The following CNTNAP5 variants were observed in gnomAD, a reference collection of about 807,000 sequenced individuals.
CNTNAP5 encodes contactin associated protein family member 5, also known as contactin-associated protein-like 5.
Under a neutral mutation model 150.2 loss-of-function variants are expected in CNTNAP5, and 72 were observed. The observed-to-expected ratio is 0.48, with a 90% CI of 0.40 to 0.58. CNTNAP5 has a LOEUF of 0.58. Ranked by LOEUF, CNTNAP5 falls within the 20% of genes least tolerant of loss-of-function variation. The probability of loss-of-function intolerance (pLI) is 0.00; values close to 1 mark genes in which losing one functional copy is unlikely to be tolerated. For missense variants in CNTNAP5, 1,636 were observed against 1,626.2 expected (o/e 1.01, Z -0.10); for synonymous variants, 672 against 619.8 (o/e 1.08, Z -1.25).
At chr2:124,147,129 C>T (rs1414667420) in intron 1 of CNTNAP5, among the ~76,000 whole-genome samples, 1 of 152,080 alleles carries the variant, frequency 6.6e-6, no homozygotes. Context: ...CGGAGAGTTG[C>T]CATTTGAAGG....
intron 19 of CNTNAP5, among the ~76,000 whole-genome samples, chr2:124,855,093 G>A (rs893896198): frequency 2.0e-4 from 30 of 151,252 alleles, no homozygotes; most frequent in African/African-American, 7.0e-4. Context: ...AGTTGGAAAG[G>A]TAAGAAAGGA....
At chr2:124,123,897 A>G (rs1378256434) in intron 1 of CNTNAP5, among the ~76,000 whole-genome samples, 1 of 152,164 alleles carries the variant, frequency 6.6e-6, no homozygotes, top group African/African-American at 2.4e-5. Flanking sequence ...CCAAAATCCC[A>G]TCTGTGTGTC....
chr2:124,867,301 C>A (rs897779017), intron 20 of CNTNAP5, among the ~76,000 whole-genome samples: 1 of 152,202 alleles, frequency 6.6e-6, no homozygotes, highest in African/African-American at 2.4e-5. Flanking sequence ...GTTCCATTCT[C>A]TTTGTCCTTT....
intron 2 of CNTNAP5, among the ~76,000 whole-genome samples, chr2:124,239,537 G>A (rs559537165): frequency 1.3e-5 from 2 of 152,146 alleles, no homozygotes; most frequent in African/African-American, 4.8e-5. Flanking sequence ...AAAATTCTCA[G>A]CTTATAAAAG....
At chr2:124,691,489 G>A (rs1679299353) in intron 13 of CNTNAP5, among the ~76,000 whole-genome samples, 1 of 152,040 alleles carries the variant, frequency 6.6e-6, no homozygotes, top group South Asian at 2.1e-4. Flanking sequence ...GGACAATGTT[G>A]GCTTTCTGAG....
At chr2:124,265,378 C>A (rs1398286458) in intron 3 of CNTNAP5, among the ~76,000 whole-genome samples, 1 of 152,130 alleles carries the variant, frequency 6.6e-6, no homozygotes, top group Non-Finnish European at 1.5e-5. Context: ...ATGCTAATAA[C>A]GGCTCGCTGA....
intron 13 of CNTNAP5, among the ~76,000 whole-genome samples, chr2:124,711,493 T>C (rs932910499): frequency 6.6e-6 from 1 of 152,044 alleles, no homozygotes; most frequent in Non-Finnish European, 1.5e-5. Flanking sequence ...TTGTACTAAA[T>C]GTAACAGTGA....
chr2:124,884,559 A>G (rs1678040018), intron 21 of CNTNAP5, among the ~76,000 whole-genome samples: 1 of 152,022 alleles, frequency 6.6e-6, no homozygotes, highest in Admixed American at 6.6e-5. Flanking sequence ...CACCCTGAAG[A>G]GTAGGGCTGG....
At chr2:124,707,170 A>T (rs937486055) in intron 13 of CNTNAP5, among the ~76,000 whole-genome samples, 1 of 146,928 alleles carries the variant, frequency 6.8e-6, no homozygotes, top group African/African-American at 2.5e-5. Context: ...AAGAAGAAGA[A>T]GAAGAAGAAG....
chr2:124,813,069 T>TTTTTG (rs1682272661), intron 19 of CNTNAP5, among the ~76,000 whole-genome samples: 1 of 151,886 alleles, frequency 6.6e-6, no homozygotes, highest in Non-Finnish European at 1.5e-5. Context: ...TTTTTTTGCT[T>TTTTTG]TTTTTGTTTT....
At chr2:124,167,581 T>A (rs1335045690) in intron 1 of CNTNAP5, among the ~76,000 whole-genome samples, 1 of 152,172 alleles carries the variant, frequency 6.6e-6, no homozygotes, top group Non-Finnish European at 1.5e-5. Context: ...CCGTGTACTC[T>A]CCCTAGTATT....
At chr2:124,359,402 G>A (rs1407114653) in intron 3 of CNTNAP5, among the ~76,000 whole-genome samples, 1 of 151,788 alleles carries the variant, frequency 6.6e-6, no homozygotes, top group East Asian at 1.9e-4. Context: ...ATGTTAGGGT[G>A]TCAATTTTGG....
chr2:124,599,724 G>T (rs1210292353), intron 11 of CNTNAP5, among the ~76,000 whole-genome samples: 1 of 152,068 alleles, frequency 6.6e-6, no homozygotes, highest in Non-Finnish European at 1.5e-5. Context: ...ATCTCAGGGA[G>T]TTTTTTTGTT....
chr2:124,648,644 A>C (rs1678255954), intron 13 of CNTNAP5, among the ~76,000 whole-genome samples: 1 of 152,234 alleles, frequency 6.6e-6, no homozygotes, highest in Non-Finnish European at 1.5e-5. Context: ...AGGAAAAAAA[A>C]CAAAACAAAA....
At chr2:124,079,541 C>T (rs1233508096) in intron 1 of CNTNAP5, among the ~76,000 whole-genome samples, 1 of 152,104 alleles carries the variant, frequency 6.6e-6, no homozygotes, top group Non-Finnish European at 1.5e-5. Context: ...TGAACTTGTA[C>T]AAATCGTTTC....
At chr2:124,452,882 T>G (rs1693022861) in intron 6 of CNTNAP5, among the ~76,000 whole-genome samples, 1 of 152,128 alleles carries the variant, frequency 6.6e-6, no homozygotes, top group Non-Finnish European at 1.5e-5. Flanking sequence ...ACAACAGCCT[T>G]GTGTCCCAGA....
chr2:124,683,310 A>G (rs778664733), intron 13 of CNTNAP5, among the ~76,000 whole-genome samples: 20 of 152,216 alleles, frequency 1.3e-4, no homozygotes, highest in South Asian at 4.1e-4. Flanking sequence ...TTGGCATTAC[A>G]GGAAACAAGC....
chr2:124,754,603 A>G (rs1365430363), intron 14 of CNTNAP5, among the ~76,000 whole-genome samples: 1 of 152,176 alleles, frequency 6.6e-6, no homozygotes, highest in Non-Finnish European at 1.5e-5. Context: ...TGTTTCAGTC[A>G]TTGAATATAC....
intron 3 of CNTNAP5, among the ~76,000 whole-genome samples, chr2:124,380,441 A>G (rs1690760477): frequency 6.6e-6 from 1 of 152,154 alleles, no homozygotes; most frequent in African/African-American, 2.4e-5. Flanking sequence ...TACTCTGGTG[A>G]AGAGAGAGAC....
Sources: allele counts gnomAD v4.1 joint callset (sites outside exome capture counted in the v4.1 genomes callset), GRCh38; gene constraint gnomAD v4.1.1; transcripts MANE v1.5; gene names NCBI Gene and HGNC (gene_info 2026-07-23, HGNC 2026-07-21).